FRMD7: variants seen among roughly 807,000 people sequenced by gnomAD.
The protein encoded by FRMD7 is FERM domain containing 7.
In FRMD7, 14 loss-of-function variants were observed where a neutral mutation model predicts 44.1. That is an observed-to-expected ratio of 0.32 (90% CI 0.21 to 0.50). The LOEUF (loss-of-function observed/expected upper bound fraction) is 0.50, where lower values mean the gene tolerates loss of function less well. Among genes scored for constraint, FRMD7 ranks in the 20% least tolerant of loss-of-function variants. FRMD7 has a pLI of 0.99. For synonymous variants in FRMD7, 212 were observed against 187.4 expected (o/e 1.13, Z -1.07); for missense variants, 501 against 522.3 (o/e 0.96, Z 0.40).
At chrX:132,092,222 T>C (rs1211746056) in intron 5 of FRMD7, among the ~76,000 whole-genome samples, 1 of 111,913 alleles carries the variant, frequency 8.9e-6, no homozygotes, top group Non-Finnish European at 1.9e-5. Context: ...TCAGCTTGTG[T>C]TTGGGAGGGA....
intron 1 of FRMD7, among the ~76,000 whole-genome samples, chrX:132,109,644 CAGCAGTTTG>C (rs780311837): frequency 2.7e-5 from 3 of 111,507 alleles, no homozygotes; most frequent in Admixed American, 9.5e-5. Context: ...TGGTTAATCA[CAGCAGTTTG>C]AGCTAAGTGA....
At chrX:132,080,301 GC>G in intron 9 of FRMD7, 35 bp from the exon 10 acceptor site, 1 of 962,683 alleles carries the variant, frequency 1.0e-6, no homozygotes, top group Non-Finnish European at 1.5e-6. Flanking sequence ...CTTAGTTCTA[GC>G]CATAAACCAA....
chrX:132,106,536 A>T (rs1391300554), intron 1 of FRMD7, among the ~76,000 whole-genome samples: 1 of 111,887 alleles, frequency 8.9e-6, no homozygotes, highest in African/African-American at 3.3e-5. Flanking sequence ...TACTCAGAGG[A>T]ATATAAATTA....
At chrX:132,079,980 G>C in intron 11 of FRMD7, 26 bp downstream of exon 11, 1 of 1,008,774 alleles carries the variant, frequency 9.9e-7, no homozygotes, top group East Asian at 3.0e-5. Flanking sequence ...TTTATCTAAA[G>C]AAGTAGAAAT....
Position 132,100,694 on chromosome X carries a change from A to G in FRMD7, c.80T>C (p.Leu27Ser). 8.3e-7 allele frequency: 1 copy of G among 1,204,000 alleles called. No homozygotes were observed. Among genetic ancestry groups the G allele is most frequent in the Non-Finnish European group, 1.1e-6 (1 of 888,508 alleles). The change falls in exon 2 of 12, where the codon TTG becomes TCG. Residue 27 changes from leucine (L) to serine (S), a missense_variant. Physicochemically the swap from Leu to Ser is moderately radical, Grantham distance 145 (BLOSUM62 -2). Around this residue, in one of 3 missense-constraint regions of FRMD7, gnomAD observed 24 missense variants for 21.6 expected, o/e 1.11. Transcript: ENST00000298542. ...VVDQKSSGKALFNLSCSHLNL... is the reference protein window; with the variant it reads ...VVDQKSSGKASFNLSCSHLNL... ...TAGATGGCTGCAACTCAGGTTAAAC[A>G]ATGCCTTCCCGGATGACTTTTGCTA...
chrX:132,116,180 A>G (rs952490306), intron 1 of FRMD7, among the ~76,000 whole-genome samples: 3 of 112,521 alleles, frequency 2.7e-5, no homozygotes, highest in Non-Finnish European at 3.8e-5. Context: ...CAAGAACAGA[A>G]TCCACTCTTA....
At chrX:132,122,034 T>C (rs1226397463) in intron 1 of FRMD7, among the ~76,000 whole-genome samples, 2 of 111,626 alleles carry the variant, frequency 1.8e-5, no homozygotes, top group Non-Finnish European at 3.8e-5. Flanking sequence ...GGAGCACAGC[T>C]CTATTACCTG....
intron 1 of FRMD7, among the ~76,000 whole-genome samples, chrX:132,114,564 T>C (rs773697572): frequency 4.1e-4 from 46 of 112,500 alleles, no homozygotes; most frequent in African/African-American, 1.4e-3. Context: ...TGAAGCTGGA[T>C]ATAAAATTTT....
At chrX:132,119,688 G>A (rs1389856988) in intron 1 of FRMD7, among the ~76,000 whole-genome samples, 2 of 111,547 alleles carry the variant, frequency 1.8e-5, no homozygotes, top group African/African-American at 6.5e-5. Flanking sequence ...CTTTTGCACA[G>A]CAGCTGTGTT....
chrX:132,097,383 C>A, intron 3 of FRMD7, 39 bp from the exon 4 acceptor site: 2 of 794,634 alleles, frequency 2.5e-6, no homozygotes, highest in South Asian at 4.1e-5. Context: ...ATTTAAATGT[C>A]CATCACAACA....
At chrX:132,083,311 G>A (rs1927880800) in intron 8 of FRMD7, among the ~76,000 whole-genome samples, 1 of 111,767 alleles carries the variant, frequency 8.9e-6, no homozygotes, top group African/African-American at 3.2e-5. Context: ...AGGTTGTCTT[G>A]TACAATGCTC....
chrX:132,112,878 G>A lies in FRMD7; in HGVS notation c.58-12162C>T, dbSNP rs771949478. On this transcript the variant is annotated intron_variant, in intron 1 of 11. Coordinates refer to ENST00000298542, the MANE Select transcript of FRMD7 (RefSeq NM_194277.3). ...AAGTGATTATATATAATTGCCTGAGGCCTTATGCAGGCCTGACAATGACCT... is the reference window on the plus strand; with the variant it reads ...AAGTGATTATATATAATTGCCTGAGACCTTATGCAGGCCTGACAATGACCT... Among the ~76,000 whole-genome samples, 6 of 111,594 alleles carry A rather than the reference G, an allele frequency of 5.4e-5. No individual in the cohort carries two copies. The South Asian group carries it at 2.3e-3, about 42-fold the overall frequency.
intron 5 of FRMD7, among the ~76,000 whole-genome samples, chrX:132,091,940 C>T (rs751450905): frequency 2.4e-4 from 27 of 112,302 alleles, no homozygotes; most frequent in African/African-American, 8.7e-4. Context: ...TCTTCCATCT[C>T]CCTCCTACGC....
In FRMD7 at chrX:132,097,348, A is replaced by G. The variant is rs1064796971; in HGVS notation, c.206-4T>C. The G allele has an allele frequency of 9.2e-7, 1 of 1,083,675 alleles. No individual in the cohort carries two copies. Among genetic ancestry groups the G allele is most frequent in the East Asian group, 3.0e-5 (1 of 33,321 alleles). The allele number at this position is 1,083,675 out of a possible 1,213,427, so 89.3% of individuals were successfully genotyped here. On this transcript the variant is annotated splice_region_variant and splice_polypyrimidine_tract_variant and intron_variant, in intron 3 of 11. Transcript: ENST00000298542. ...TTGAAAACAATCTCCTTAGGATCTT[A>G]AAACACAATATCTCCATAAGTTTTA...
At position 132,077,746 on chromosome X, in the gene FRMD7, CA is replaced by C. The variant is rs1156662027; in HGVS notation, c.*125del. ...CTGGATCTTTCATAAGGCAGGCATC[CA>C]AAATGAGATTTCCTTAATACCAATG... is the stretch of plus-strand genomic sequence containing the variant. On this transcript the variant is annotated 3_prime_UTR_variant, in exon 12 of 12. Coordinates refer to ENST00000298542, the MANE Select transcript of FRMD7 (RefSeq NM_194277.3). The C allele has an allele frequency of 3.0e-6, 3 of 998,120 alleles. No homozygotes were observed. Among genetic ancestry groups the C allele is most frequent in the Non-Finnish European group, 4.1e-6 (3 of 731,581 alleles). The allele number at this position is 998,120 out of a possible 1,213,427, so 82.3% of individuals were successfully genotyped here.
In FRMD7 at chrX:132,127,937, G is replaced by GC. The variant is rs1929196363; in HGVS notation, c.-94dup. ...TCCCAGCTGGATGTGGTGCACTCGG[G>GC]CCCCCCCACCCCCAGCCAGGCATTC... On this transcript the variant is annotated 5_prime_UTR_variant, in exon 1 of 12. It removes the in-frame stop codon of an upstream open reading frame in the 5' UTR. Transcript: ENST00000298542. 10 of 727,241 alleles carry GC rather than the reference G, an allele frequency of 1.4e-5. No homozygotes were observed. Among genetic ancestry groups the GC allele is most frequent in the South Asian group, 2.1e-5 (1 of 46,764 alleles). 59.9% of individuals were successfully genotyped at this position (727,241 alleles called of 1,213,427 possible). A position where few individuals can be genotyped will look rare whatever the true frequency, so the allele number is the denominator to read the frequency against.
rs1274443820 is a variant in FRMD7 at position 132,099,460 on chromosome X, A to T, written c.205+8T>A. ...AACTCTCTTCCTTAAATGATTTTCCATACTTACTTTTTACCTGCTTTGTTA... is the reference window on the plus strand; with the variant it reads ...AACTCTCTTCCTTAAATGATTTTCCTTACTTACTTTTTACCTGCTTTGTTA... On this transcript the variant is annotated splice_region_variant and intron_variant, in intron 3 of 11. Coordinates refer to ENST00000298542, the MANE Select transcript of FRMD7 (RefSeq NM_194277.3). The T allele has an allele frequency of 8.4e-7, 1 of 1,193,313 alleles. No individual in the cohort carries two copies. Among genetic ancestry groups the T allele is most frequent in the Admixed American group, 2.2e-5 (1 of 45,704 alleles).
chrX:132,116,341 C>T (rs1462732505), intron 1 of FRMD7, among the ~76,000 whole-genome samples: 1 of 111,780 alleles, frequency 8.9e-6, no homozygotes, highest in Non-Finnish European at 1.9e-5. Context: ...AAAGAATGAC[C>T]TTTCTTTCTG....
intron 5 of FRMD7, among the ~76,000 whole-genome samples, chrX:132,088,942 T>C (rs1168389068): frequency 8.9e-6 from 1 of 112,229 alleles, no homozygotes; most frequent in Non-Finnish European, 1.9e-5. Context: ...ATAAATTCAA[T>C]GCAATCCCCA....
Sources: gnomAD v4.1 joint callset for allele counts (sites outside exome capture counted in the v4.1 genomes callset) on GRCh38, gnomAD v4.1.1 for gene constraint, gnomAD v4.1.1 regional missense constraint, MANE v1.5 for transcripts, NCBI Gene and HGNC (gene_info 2026-07-23, HGNC 2026-07-21) for gene names.